DUSP10: variants seen among roughly 807,000 people sequenced by gnomAD.
The protein encoded by DUSP10 is dual specificity protein phosphatase 10.
A neutral mutation model predicts 30.8 loss-of-function variants in DUSP10; 14 were observed. That is an observed-to-expected ratio of 0.46 (90% CI 0.30 to 0.71). The LOEUF (loss-of-function observed/expected upper bound fraction) is 0.71, where lower values mean the gene tolerates loss of function less well. Among genes scored for constraint, DUSP10 ranks in the 30% least tolerant of loss-of-function variants. The probability of loss-of-function intolerance (pLI) is 0.08; values close to 1 mark genes in which losing one functional copy is unlikely to be tolerated. For missense variants in DUSP10, 550 were observed against 619.4 expected, an observed-to-expected ratio of 0.89 and a Z score of 1.19; for synonymous variants, 254 against 250.4, an observed-to-expected ratio of 1.01 and a Z score of -0.14.
intron 2 of DUSP10, among the ~76,000 whole-genome samples, chr1:221,722,096 A>C (rs1047770753): frequency 6.6e-6 from 1 of 152,250 alleles, no homozygotes; most frequent in African/African-American, 2.4e-5. Flanking sequence ...CCTTTGGGCA[A>C]GTTACTTGAA....
Position 221,721,338 on chromosome 1 carries a change from G to A in DUSP10, c.812-14872C>T, listed in dbSNP as rs6659154. Among the ~76,000 whole-genome samples the A allele has an allele frequency of 5.1e-3, 777 of 152,278 alleles. 6 individuals carry two copies. Among genetic ancestry groups the A allele is most frequent in the African/African-American group, 0.017 (719 of 41,554 alleles). On this transcript the variant is annotated intron_variant, in intron 2 of 3. Coordinates refer to ENST00000366899, the MANE Select transcript of DUSP10 (RefSeq NM_007207.6). ...TTGATTGAAAAAAATAGTCCCCAAA[G>A]AGAAATCTAATGAGGGAAAGGAGGA...
intron 2 of DUSP10, among the ~76,000 whole-genome samples, chr1:221,717,082 C>T (rs189853445): frequency 1.3e-5 from 2 of 152,184 alleles, no homozygotes; most frequent in East Asian, 1.9e-4. Flanking sequence ...TAAGTCATAA[C>T]GGAAGACGCT....
chr1:221,709,639 A>T (rs1182642712), intron 2 of DUSP10, among the ~76,000 whole-genome samples: 1 of 152,016 alleles, frequency 6.6e-6, no homozygotes, highest in Non-Finnish European at 1.5e-5. Context: ...TGCAGTTAAA[A>T]ACTCTCTCTG....
intron 2 of DUSP10, among the ~76,000 whole-genome samples, chr1:221,712,910 A>C (rs1660983662): frequency 2.6e-5 from 4 of 152,136 alleles, no homozygotes; most frequent in Admixed American, 2.6e-4. Context: ...AAAATAGGAT[A>C]CTACTACTTA....
At chr1:221,714,541 G>A (rs1327088313) in intron 2 of DUSP10, among the ~76,000 whole-genome samples, 1 of 152,130 alleles carries the variant, frequency 6.6e-6, no homozygotes, top group Non-Finnish European at 1.5e-5. Context: ...TAAGATTAGG[G>A]TGGGGTGACC....
rs1364703834 is a variant in DUSP10, at chr1:221,706,818, G to A, written c.812-352C>T. Among the ~76,000 whole-genome samples the A allele has an allele frequency of 6.6e-6, 1 of 152,072 alleles. No individual in the cohort carries two copies. The highest frequency in any genetic ancestry group is 2.4e-5 in the African/African-American group (1 of 41,386). On this transcript the variant is annotated intron_variant, in intron 2 of 3. Coordinates refer to ENST00000366899, the MANE Select transcript of DUSP10 (RefSeq NM_007207.6). The surrounding 1 kb of genome is among the most constrained non-coding windows in gnomAD (Gnocchi z 4.6). ...GCCTCAAAGAGCCATATGCTCAGTG[G>A]CCTACATAGAACCCTGTGCTTTGGG...
intron 2 of DUSP10, among the ~76,000 whole-genome samples, chr1:221,738,205 ATAC>A (rs1412477907): frequency 6.6e-6 from 1 of 152,172 alleles, no homozygotes; most frequent in Non-Finnish European, 1.5e-5. Flanking sequence ...TGCATTCAGT[ATAC>A]TGGGGCAAGT....
chr1:221,740,726 C>T (rs193247195), intron 1 of DUSP10, among the ~76,000 whole-genome samples: 1 of 152,240 alleles, frequency 6.6e-6, no homozygotes, highest in Non-Finnish European at 1.5e-5. Context: ...ATACAGATAT[C>T]CCCCCTTCAA....
intron 2 of DUSP10, among the ~76,000 whole-genome samples, chr1:221,710,188 C>T (rs1362599787): frequency 6.6e-6 from 1 of 152,138 alleles, no homozygotes; most frequent in Non-Finnish European, 1.5e-5. Flanking sequence ...CTTATTACCC[C>T]CAATATCATC....
chr1:221,737,271 T>A, intron 2 of DUSP10: 1 of 985,412 alleles, frequency 1.0e-6, no homozygotes, highest in Middle Eastern at 5.2e-4. Context: ...GAACACCTGC[T>A]CTGCGTGAGA....
chr1:221,703,417 T>C (rs1660666546), intron 3 of DUSP10, among the ~76,000 whole-genome samples: 1 of 152,184 alleles, frequency 6.6e-6, no homozygotes, highest in South Asian at 2.1e-4. Flanking sequence ...TAAACCCTGA[T>C]TAAGGTTAAA....
At chr1:221,714,425 T>G (rs1009199368) in intron 2 of DUSP10, among the ~76,000 whole-genome samples, 8 of 152,190 alleles carry the variant, frequency 5.3e-5, no homozygotes, top group African/African-American at 1.7e-4. Flanking sequence ...TACCTGCGAC[T>G]AGACATGTTC....
At chr1:221,729,427 C>G (rs144012295) in intron 2 of DUSP10, among the ~76,000 whole-genome samples, 1 of 152,150 alleles carries the variant, frequency 6.6e-6, no homozygotes, top group Non-Finnish European at 1.5e-5. Flanking sequence ...ATATGGCCAG[C>G]CTGAAAAGAA....
chr1:221,723,545 C>G lies in DUSP10; in HGVS notation c.811+15389G>C, dbSNP rs147929420. Among the ~76,000 whole-genome samples the G allele has an allele frequency of 1.9e-3, 284 of 152,364 alleles. 2 individuals are homozygous for G. Among genetic ancestry groups the G allele is most frequent in the African/African-American group, 6.5e-3 (269 of 41,578 alleles). On this transcript the variant is annotated intron_variant, in intron 2 of 3. Coordinates refer to ENST00000366899, the MANE Select transcript of DUSP10 (RefSeq NM_007207.6). Reference sequence around the variant, plus strand: ...ACAGGTTCAGGGGTTCCCAGGCCACCCACACTTCTAGCCAACTGGTTATAA... The same window carrying G: ...ACAGGTTCAGGGGTTCCCAGGCCACGCACACTTCTAGCCAACTGGTTATAA...
chr1:221,709,908 T>C (rs577498152), intron 2 of DUSP10, among the ~76,000 whole-genome samples: 1 of 152,218 alleles, frequency 6.6e-6, no homozygotes, highest in Non-Finnish European at 1.5e-5. Context: ...TTATTACTAT[T>C]TAAGAATATT....
chr1:221,720,516 A>AG (rs1188005296), intron 2 of DUSP10, among the ~76,000 whole-genome samples: 2 of 152,158 alleles, frequency 1.3e-5, no homozygotes, highest in Non-Finnish European at 2.9e-5. Context: ...GGACTCAGGG[A>AG]GGGGGTTGCA....
At chr1:221,708,189 T>C (rs1170974752) in intron 2 of DUSP10, among the ~76,000 whole-genome samples, 1 of 152,194 alleles carries the variant, frequency 6.6e-6, no homozygotes, top group East Asian at 1.9e-4. Context: ...GCTGTCTTGA[T>C]AGTTCCAGGA....
chr1:221,717,698 TAAG>T (rs943632968), intron 2 of DUSP10, among the ~76,000 whole-genome samples: 1 of 152,118 alleles, frequency 6.6e-6, no homozygotes, highest in African/African-American at 2.4e-5. Context: ...AGTACCTTTA[TAAG>T]AAGAGACAAC....
intron 2 of DUSP10, among the ~76,000 whole-genome samples, chr1:221,708,529 A>G (rs1660833643): frequency 6.6e-6 from 1 of 152,240 alleles, no homozygotes; most frequent in African/African-American, 2.4e-5. Flanking sequence ...TAGCTTTTTG[A>G]AAAGAAAAAC....
Sources: gnomAD v4.1 joint callset for allele counts (sites outside exome capture counted in the v4.1 genomes callset) on GRCh38, gnomAD v4.1.1 for gene constraint, Gnocchi (gnomAD v3.1) non-coding constraint, MANE v1.5 for transcripts, NCBI Gene and HGNC (gene_info 2026-07-23, HGNC 2026-07-21) for gene names.